The following INSR variants were observed in gnomAD, a reference collection of about 807,000 sequenced individuals.
INSR encodes insulin receptor, also known as IR.
A neutral mutation model predicts 142.6 loss-of-function variants in INSR; 67 were observed. That is an observed-to-expected ratio of 0.47 (90% CI 0.39 to 0.58). The LOEUF is 0.58. INSR is among the 20% of genes least tolerant of loss of function. INSR has a pLI of 0.00. For synonymous variants in INSR, 756 were observed against 743.1 expected, an observed-to-expected ratio of 1.02 and a Z score of -0.28; for missense variants, 1,248 against 1,833.2, an observed-to-expected ratio of 0.68 and a Z score of 5.83.
At chr19:7,128,713 T>C (rs150042397) in intron 15 of INSR, 139 bp downstream of exon 15, 1 of 665,288 alleles carries the variant, frequency 1.5e-6, no homozygotes, top group East Asian at 2.7e-5. Flanking sequence ...ATTATGACAA[T>C]TATCTGTAAA....
chr19:7,204,681 A>C (rs561238498), intron 2 of INSR, among the ~76,000 whole-genome samples: 43 of 151,672 alleles, frequency 2.8e-4, no homozygotes, highest in Admixed American at 1.3e-3. Flanking sequence ...TTCTACCTGG[A>C]TTTATGCTAC....
At chr19:7,251,362 T>C (rs1976721374) in intron 2 of INSR, among the ~76,000 whole-genome samples, 1 of 152,026 alleles carries the variant, frequency 6.6e-6, no homozygotes, top group Admixed American at 6.6e-5. Context: ...GCTCAAGCGA[T>C]CCTCCCACCT....
rs946652916 is a variant in INSR, at chr19:7,220,252, C to T, written c.653-35615G>A. On this transcript the variant is annotated intron_variant, in intron 2 of 21. Coordinates refer to ENST00000302850, the MANE Select transcript of INSR (RefSeq NM_000208.4). ...CAGAGATGAGTAATCTTGTGTTTGCCTCCTTTTCAAGTTGGTGGCAAAAGT... is the reference window on the plus strand; with the variant it reads ...CAGAGATGAGTAATCTTGTGTTTGCTTCCTTTTCAAGTTGGTGGCAAAAGT... Among the ~76,000 whole-genome samples the T allele has an allele frequency of 3.3e-5, 5 of 152,262 alleles. No individual in the cohort carries two copies. The East Asian group carries it at 7.7e-4, about 23-fold the overall frequency.
chr19:7,284,064 G>GT (rs61000244), intron 1 of INSR, among the ~76,000 whole-genome samples: 4,693 of 151,458 alleles, frequency 0.031, 258 homozygotes, highest in African/African-American at 0.11. Flanking sequence ...GAGTTTTTTT[G>GT]TTTTTTTGGG....
intron 11 of INSR, among the ~76,000 whole-genome samples, chr19:7,143,983 A>T (rs1450064090): frequency 6.6e-6 from 1 of 151,024 alleles, no homozygotes; most frequent in African/African-American, 2.4e-5. Context: ...TGAACCCGGG[A>T]GGCGGAGGTT....
rs1403124389 is a variant in INSR, at chr19:7,293,990, G to A, written c.-99C>T. The A allele has an allele frequency of 2.3e-5, 25 of 1,108,286 alleles. No homozygotes were observed. The highest frequency in any genetic ancestry group is 2.8e-5 in the Non-Finnish European group (25 of 906,960). 68.7% of individuals were successfully genotyped at this position (1,108,286 alleles called of 1,614,324 possible). ...CCACCCAAGAGGCGCTGGGGGCCGC[G>A]CGTCCTTCTCTTCCACGCCCGCGAC... On this transcript the variant is annotated 5_prime_UTR_variant, in exon 1 of 22. Coordinates refer to ENST00000302850, the MANE Select transcript of INSR (RefSeq NM_000208.4).
intron 2 of INSR, among the ~76,000 whole-genome samples, chr19:7,217,495 C>G (rs1390110790): frequency 3.9e-5 from 6 of 152,296 alleles, no homozygotes; most frequent in African/African-American, 1.4e-4. Flanking sequence ...CACATTCACC[C>G]TTTCTGGTAT....
intron 6 of INSR, 49 bp downstream of exon 6, chr19:7,170,488 C>T: frequency 2.1e-6 from 3 of 1,427,646 alleles, no homozygotes; most frequent in South Asian, 1.1e-5. Context: ...AAACCATCTT[C>T]CACTACACCG....
Position 7,120,707 on chromosome 19 carries a change from C to T in INSR, c.3572G>A (p.Arg1191Gln), listed in dbSNP as rs121913150. Reference protein sequence around the residue: ...TRDIYETDYYRKGGKGLLPVR... With the variant: ...TRDIYETDYYQKGGKGLLPVR... Reference sequence around the variant, plus strand: ...AGGGAGCAGACCCTTGCCCCCTTTCCGGTAGTAATCCGTTTCATAGATGTC... The same window carrying T: ...AGGGAGCAGACCCTTGCCCCCTTTCTGGTAGTAATCCGTTTCATAGATGTC... The change falls in exon 20 of 22, where the codon CGG (arginine) becomes CAG (glutamine). Residue 1191 changes from arginine to glutamine, a missense_variant. Physicochemically the swap from Arg to Gln is conservative, Grantham distance 43. Transcript: ENST00000302850. 8.1e-6 allele frequency: 13 copies of T among 1,614,028 alleles called. No homozygotes were observed. The highest frequency in any genetic ancestry group is 2.2e-5 in the South Asian group (2 of 91,082).
intron 13 of INSR, among the ~76,000 whole-genome samples, chr19:7,137,972 T>C (rs1028938627): frequency 1.3e-5 from 2 of 148,228 alleles, no homozygotes; most frequent in Admixed American, 1.3e-4. Context: ...TTTTCTTTTT[T>C]TTTTTTTTTG....
chr19:7,237,489 C>T (rs373659132), intron 2 of INSR, among the ~76,000 whole-genome samples: 15 of 151,646 alleles, frequency 9.9e-5, no homozygotes, highest in Admixed American at 8.6e-4. Context: ...TGCACTCCAA[C>T]CTGGGCAACA....
intron 1 of INSR, among the ~76,000 whole-genome samples, chr19:7,287,922 G>T (rs1396290377): frequency 2.0e-5 from 3 of 152,136 alleles, no homozygotes; most frequent in Non-Finnish European, 2.9e-5. Context: ...CCGTGTCGGG[G>T]CATTTTTGCG....
chr19:7,289,405 CT>C (rs777933899), intron 1 of INSR, among the ~76,000 whole-genome samples: 21,270 of 130,202 alleles, frequency 0.16, 3,975 homozygotes, highest in African/African-American at 0.45. Context: ...TTTTTCTTTT[CT>C]TTTTTTTTTT....
At chr19:7,206,837 C>T (rs981718114) in intron 2 of INSR, among the ~76,000 whole-genome samples, 1 of 151,994 alleles carries the variant, frequency 6.6e-6, no homozygotes, top group African/African-American at 2.4e-5. Flanking sequence ...TTTCTAAAGC[C>T]CAAATATCAC....
At chr19:7,131,958 AG>A (rs779340064) in intron 14 of INSR, among the ~76,000 whole-genome samples, 199 bp downstream of exon 14, 17 of 151,216 alleles carry the variant, frequency 1.1e-4, no homozygotes, top group Non-Finnish European at 1.8e-4. Flanking sequence ...AGATTGTGCC[AG>A]TGCACTCCAA....
chr19:7,279,421 T>A (rs2145233482), intron 1 of INSR, among the ~76,000 whole-genome samples: 1 of 151,342 alleles, frequency 6.6e-6, no homozygotes, highest in African/African-American at 2.4e-5. Context: ...GAACAGGACT[T>A]CATACCCAGG....
At position 7,267,500 on chromosome 19, in the gene INSR, G is replaced by C. The variant is rs267605760; in HGVS notation, c.497C>G (p.Ser166Cys). The change falls in exon 2 of 22, where the codon TCC becomes TGC. Residue 166 changes from serine to cysteine, a missense_variant. Around this residue, in one of 3 missense-constraint regions of INSR, gnomAD observed 1,069 missense variants for 1,654.0 expected, o/e 0.65. Transcript: ENST00000302850. This position sits in a 1 kb window ranked among gnomAD's most constrained non-coding sequence, Gnocchi z 6.3. ...CAACACGATGTAATTATCCTCCACG[G>C]AATCCAGGATACGGGACCAGTCGAT... is the stretch of plus-strand genomic sequence containing the variant. ...ATIDWSRILD[S>C]VEDNYIVLNK... 6.2e-7 allele frequency: 1 copy of C among 1,613,950 alleles called. No homozygotes were observed. Among genetic ancestry groups the C allele is most frequent in the Non-Finnish European group, 8.5e-7 (1 of 1,180,022 alleles).
intron 3 of INSR, among the ~76,000 whole-genome samples, chr19:7,181,324 G>C (rs1974269684): frequency 6.6e-6 from 1 of 152,198 alleles, no homozygotes; most frequent in African/African-American, 2.4e-5. Context: ...GGTCAGACCA[G>C]ACATGATGGT....
chr19:7,218,055 A>T (rs768077947), intron 2 of INSR, among the ~76,000 whole-genome samples: 3 of 152,168 alleles, frequency 2.0e-5, no homozygotes, highest in Non-Finnish European at 4.4e-5. Context: ...GAGATAGAAG[A>T]GTCCCTGCCT....
Sources: gnomAD v4.1 joint callset for allele counts (sites outside exome capture counted in the v4.1 genomes callset) on GRCh38, gnomAD v4.1.1 for gene constraint, gnomAD v4.1.1 regional missense constraint, Gnocchi (gnomAD v3.1) non-coding constraint, MANE v1.5 for transcripts, NCBI Gene and HGNC (gene_info 2026-07-23, HGNC 2026-07-21) for gene names.